Variants in TPRX1 observed in about 807,000 individuals in gnomAD.
TPRX1 encodes tetrapeptide repeat homeobox 1.
A neutral mutation model predicts 8.1 loss-of-function variants in TPRX1; 2 were observed. That is an observed-to-expected ratio of 0.25 (90% CI 0.10 to 0.78). The LOEUF (loss-of-function observed/expected upper bound fraction) is 0.78, where lower values mean the gene tolerates loss of function less well. TPRX1 is among the 30% of genes least tolerant of loss of function. The probability of loss-of-function intolerance (pLI) is 0.70; values close to 1 mark genes in which losing one functional copy is unlikely to be tolerated. For synonymous variants in TPRX1, 257 were observed against 254.1 expected (o/e 1.01, Z -0.11); for missense variants, 517 against 586.9 (o/e 0.88, Z 1.23).
intron 2 of TPRX1, 117 bp from the exon 2 acceptor site, chr19:47,803,790 C>G: frequency 2.0e-6 from 1 of 505,472 alleles, no homozygotes; most frequent in East Asian, 4.4e-5. Flanking sequence ...GGCGGCACCG[C>G]GGATAGCAGC....
At chr19:47,802,723 A>G (rs772531306) in exon 4 of TPRX1, 6 of 1,595,636 alleles carry the variant, frequency 3.8e-6, no homozygotes, top group Admixed American at 1.8e-5. Flanking sequence ...GGATCGGGCC[A>G]GGGCCTGGAC....
chr19:47,814,878 C>A (rs1967817074), intron 2 of TPRX1, among the ~76,000 whole-genome samples: 1 of 152,006 alleles, frequency 6.6e-6, no homozygotes, highest in East Asian at 1.9e-4. Flanking sequence ...TGGCTCACTG[C>A]AACCTCTGCC....
chr19:47,802,916 C>G (rs577238784), exon 4 of TPRX1: 1 of 1,555,598 alleles, frequency 6.4e-7, no homozygotes, highest in South Asian at 1.2e-5. Flanking sequence ...CCCAGGGACG[C>G]GCTGGGGCTG....
chr19:47,802,023 G>A (rs763057221), exon 4 of TPRX1: 2 of 1,610,562 alleles, frequency 1.2e-6, no homozygotes, highest in Non-Finnish European at 1.7e-6. Context: ...AAGGGGGCTG[G>A]GGCTGGGAGT....
intron 2 of TPRX1, among the ~76,000 whole-genome samples, chr19:47,813,918 C>A (rs949694272): frequency 7.5e-6 from 1 of 133,546 alleles, no homozygotes; most frequent in South Asian, 2.3e-4. Flanking sequence ...ACGAGGGAGA[C>A]CAGAAGACAG....
chr19:47,815,224 G>A (rs1410796920), intron 2 of TPRX1, among the ~76,000 whole-genome samples: 2 of 127,694 alleles, frequency 1.6e-5, no homozygotes, highest in Admixed American at 8.0e-5. Flanking sequence ...GTGTGAGTTC[G>A]GCTCACTGCA....
intron 2 of TPRX1, among the ~76,000 whole-genome samples, chr19:47,808,927 A>T (rs1021393291): frequency 5.3e-5 from 8 of 152,214 alleles, no homozygotes; most frequent in African/African-American, 1.9e-4. Context: ...CAGACTATGG[A>T]ATGCTAATGA....
chr19:47,811,688 G>A (rs1967784794), intron 2 of TPRX1, among the ~76,000 whole-genome samples: 2 of 150,990 alleles, frequency 1.3e-5, no homozygotes, highest in African/African-American at 4.9e-5. Context: ...TAGTAGAGAT[G>A]GGGTTTCACC....
chr19:47,812,292 G>A (rs536791601), intron 2 of TPRX1, among the ~76,000 whole-genome samples: 22 of 152,088 alleles, frequency 1.4e-4, no homozygotes, highest in Admixed American at 9.2e-4. Context: ...GAAGGCAGGC[G>A]TTACTCAAAG....
chr19:47,804,616 C>T (rs1362309717), intron 2 of TPRX1, among the ~76,000 whole-genome samples, 65 bp from the exon 1 acceptor site: 1 of 152,268 alleles, frequency 6.6e-6, no homozygotes, highest in South Asian at 2.1e-4. Context: ...TCTGCTGTGC[C>T]CACCCTGGCC....
rs913271976 is a variant in TPRX1 at position 47,818,162 on chromosome 19, T to C, written c.151+306A>G. Among the ~76,000 whole-genome samples the C allele has an allele frequency of 3.7e-4, 56 of 152,150 alleles. 1 individual carries two copies. Among genetic ancestry groups the C allele is most frequent in the African/African-American group, 1.3e-3 (54 of 41,440 alleles). ...ACATCACACCACTTCTCTGTGCCAG[T>C]GTCTCTACCTGGTTCTGCCCCACCA... On this transcript the variant is annotated intron_variant, in intron 2 of 3. Transcript: ENST00000535759.
At chr19:47,817,446 C>T (rs1967854147) in intron 2 of TPRX1, among the ~76,000 whole-genome samples, 1 of 152,190 alleles carries the variant, frequency 6.6e-6, no homozygotes, top group African/African-American at 2.4e-5. Flanking sequence ...CTCCTGATCA[C>T]CAGGTGATAT....
chr19:47,802,163 C>A, exon 4 of TPRX1: 2 of 1,601,794 alleles, frequency 1.2e-6, no homozygotes, highest in South Asian at 2.3e-5. Flanking sequence ...GGGACCTGGG[C>A]CTTGGAGTCT....
At chr19:47,802,794 G>C (rs1425252514) in exon 4 of TPRX1, 3 of 1,603,710 alleles carry the variant, frequency 1.9e-6, no homozygotes, top group Non-Finnish European at 2.6e-6. Context: ...GCCTGGTGGA[G>C]GCTGCAGATC....
exon 4 of TPRX1, chr19:47,802,061 ACTGAGCCTGAGCCTGGGC>A (rs1967670053): frequency 6.2e-7 from 1 of 1,602,936 alleles, no homozygotes; most frequent in African/African-American, 1.3e-5. Context: ...TGGAGCTGGG[ACTGAGCCTGAGCCTGGGC>A]CTGAGCCTGG....
At chr19:47,816,893 A>G (rs1040835165) in intron 2 of TPRX1, among the ~76,000 whole-genome samples, 37 of 152,170 alleles carry the variant, frequency 2.4e-4, no homozygotes, top group African/African-American at 8.7e-4. Flanking sequence ...AGTTTTATAC[A>G]CTGGTGGATT....
At chr19:47,802,241 C>T in exon 4 of TPRX1, 1 of 1,604,076 alleles carries the variant, frequency 6.2e-7, no homozygotes, top group Non-Finnish European at 8.5e-7. Context: ...TGAGATTGGG[C>T]CTGGGATTGG....
intron 2 of TPRX1, among the ~76,000 whole-genome samples, chr19:47,805,943 G>A (rs1166554272): frequency 6.6e-6 from 1 of 152,232 alleles, no homozygotes; most frequent in Non-Finnish European, 1.5e-5. Context: ...AATGCTGCAT[G>A]GCCAGGCGCG....
chr19:47,801,854 TG>T lies in TPRX1; in HGVS notation c.1447del (p.His483ThrfsTer13). On this transcript the variant is annotated frameshift_variant, in exon 4 of 4. Transcript: ENST00000535759. LOFTEE classifies it low-confidence loss of function (END_TRUNC). The stretch of plus-strand genomic sequence containing the variant: ...CTCCTCTTGGGGCTGAGACCCTGAG[TG>T]TTTTTTGCCCATAGAGTCATCCCCT... The T allele has an allele frequency of 1.2e-6, 2 of 1,614,062 alleles. No individual in the cohort carries two copies. The highest frequency in any genetic ancestry group is 1.7e-6 in the Non-Finnish European group (2 of 1,180,022).
Sources: allele counts gnomAD v4.1 joint callset (sites outside exome capture counted in the v4.1 genomes callset), GRCh38; gene constraint gnomAD v4.1.1; transcripts MANE v1.5; gene names NCBI Gene and HGNC (gene_info 2026-07-23, HGNC 2026-07-21).